The following CCSER1 variants were observed in gnomAD, a reference collection of about 807,000 sequenced individuals.
CCSER1 encodes the protein coiled-coil serine rich protein 1.
Under a neutral mutation model 82.0 loss-of-function variants are expected in CCSER1, and 41 were observed. The observed-to-expected ratio is 0.50, with a 90% CI of 0.39 to 0.65. The LOEUF is 0.65. CCSER1 is among the 30% of genes least tolerant of loss of function. CCSER1 has a pLI of 0.00. For missense variants in CCSER1, 1,119 were observed against 1,064.2 expected (o/e 1.05, Z -0.72); for synonymous variants, 414 against 383.9 (o/e 1.08, Z -0.92).
chr4:90,203,041 A>G (rs1430103090), intron 1 of CCSER1, among the ~76,000 whole-genome samples: 1 of 152,194 alleles, frequency 6.6e-6, no homozygotes, highest in Non-Finnish European at 1.5e-5. Context: ...AAAAAAGTAT[A>G]ATTACTTAAC....
At chr4:90,633,852 A>G (rs1724928135) in intron 6 of CCSER1, among the ~76,000 whole-genome samples, 1 of 151,812 alleles carries the variant, frequency 6.6e-6, no homozygotes. Context: ...ATCCTTTTTT[A>G]AAGATCAGTT....
At chr4:90,296,720 G>C (rs956773942) in intron 1 of CCSER1, among the ~76,000 whole-genome samples, 2 of 152,134 alleles carry the variant, frequency 1.3e-5, no homozygotes, top group Non-Finnish European at 2.9e-5. Context: ...TGGCTACCCA[G>C]TTTCCCCAGC....
chr4:90,705,399 C>A (rs1434783577), intron 6 of CCSER1, among the ~76,000 whole-genome samples: 1 of 152,230 alleles, frequency 6.6e-6, no homozygotes, highest in African/African-American at 2.4e-5. Flanking sequence ...GGTTGCCTCC[C>A]AGTTAGGCTA....
At chr4:90,160,426 A>G (rs1729217892) in intron 1 of CCSER1, among the ~76,000 whole-genome samples, 1 of 152,220 alleles carries the variant, frequency 6.6e-6, no homozygotes, top group African/African-American at 2.4e-5. Flanking sequence ...AAGATTGAGC[A>G]ACCATGAAAG....
At chr4:90,782,216 C>CA (rs1346327838) in intron 7 of CCSER1, among the ~76,000 whole-genome samples, 1 of 151,882 alleles carries the variant, frequency 6.6e-6, no homozygotes, top group African/African-American at 2.4e-5. Flanking sequence ...TATTTGTGGG[C>CA]AAAAAATATT....
At chr4:91,069,171 T>A (rs1046814983) in intron 9 of CCSER1, among the ~76,000 whole-genome samples, 4 of 151,700 alleles carry the variant, frequency 2.6e-5, no homozygotes, top group African/African-American at 7.3e-5. Context: ...TCAAAAAAAA[T>A]AAATAAAAAA....
At chr4:90,299,513 T>A (rs1269897668) in intron 1 of CCSER1, among the ~76,000 whole-genome samples, 1 of 152,178 alleles carries the variant, frequency 6.6e-6, no homozygotes, top group African/African-American at 2.4e-5. Context: ...GACAATCTCA[T>A]TCTCTTTTCT....
chr4:90,171,749 A>G (rs1363970286), intron 1 of CCSER1, among the ~76,000 whole-genome samples: 2 of 151,880 alleles, frequency 1.3e-5, no homozygotes, highest in Non-Finnish European at 2.9e-5. Context: ...TTGTACAGTT[A>G]AAAGAGTTCT....
In CCSER1 at chr4:90,957,324, A is replaced by G. The variant is rs1354008323; in HGVS notation, c.2172+33877A>G. The stretch of plus-strand genomic sequence containing the variant: ...ACCATCTTGGCCAGGCTGGTCTTCA[A>G]CTCTTGACCTTGTGATCTGCCTGCC... On this transcript the variant is annotated intron_variant, in intron 9 of 10. Transcript: ENST00000509176. Among the ~76,000 whole-genome samples, 4 of 143,624 alleles carry G rather than the reference A, an allele frequency of 2.8e-5. No homozygotes were observed. In the East Asian group the frequency reaches 6.1e-4, roughly 22 times the overall value. 94.2% of individuals were successfully genotyped at this position (143,624 alleles called of 152,430 possible).
chr4:90,643,172 C>T (rs1474326407), intron 6 of CCSER1, among the ~76,000 whole-genome samples: 1 of 152,124 alleles, frequency 6.6e-6, no homozygotes, highest in Non-Finnish European at 1.5e-5. Context: ...CAAACTTTTT[C>T]TGTCAAGGCT....
At chr4:90,326,128 G>A (rs890758644) in intron 3 of CCSER1, among the ~76,000 whole-genome samples, 9 of 139,744 alleles carry the variant, frequency 6.4e-5, no homozygotes, top group African/African-American at 2.1e-4. Flanking sequence ...GCGCAATCTC[G>A]GCTCACTGCA....
chr4:91,265,691 T>C (rs896595051), intron 10 of CCSER1, among the ~76,000 whole-genome samples: 2 of 152,202 alleles, frequency 1.3e-5, no homozygotes, highest in African/African-American at 4.8e-5. Context: ...TGTATTGTTA[T>C]TAAGTGAACT....
At chr4:90,648,269 A>AAG (rs60285596) in intron 6 of CCSER1, among the ~76,000 whole-genome samples, 2 of 136,194 alleles carry the variant, frequency 1.5e-5, no homozygotes, top group African/African-American at 5.5e-5. Context: ...AGAAAGAAAG[A>AAG]GAGAGAGAAA....
intron 4 of CCSER1, among the ~76,000 whole-genome samples, chr4:90,418,810 A>C (rs1454347107): frequency 6.6e-6 from 1 of 152,030 alleles, no homozygotes; most frequent in Non-Finnish European, 1.5e-5. Context: ...GTTGGAATTA[A>C]CTATGTTTAT....
At chr4:91,403,334 T>C (rs1471956582) in intron 10 of CCSER1, among the ~76,000 whole-genome samples, 3 of 152,200 alleles carry the variant, frequency 2.0e-5, no homozygotes, top group Non-Finnish European at 4.4e-5. Flanking sequence ...AATCTTGTCA[T>C]CTGCAAACAG....
intron 10 of CCSER1, among the ~76,000 whole-genome samples, chr4:91,518,096 C>A (rs1049914002): frequency 1.2e-4 from 18 of 152,146 alleles, no homozygotes; most frequent in African/African-American, 4.3e-4. Flanking sequence ...GTGCTGGCTG[C>A]AGATCTTGGC....
chr4:91,060,612 C>T (rs1743874919), intron 9 of CCSER1, among the ~76,000 whole-genome samples: 1 of 151,970 alleles, frequency 6.6e-6, no homozygotes, highest in South Asian at 2.1e-4. Flanking sequence ...TTCATTTATT[C>T]TTGTCTTTTA....
intron 5 of CCSER1, among the ~76,000 whole-genome samples, chr4:90,598,170 C>T (rs1002468181): frequency 1.1e-4 from 16 of 152,064 alleles, no homozygotes; most frequent in Admixed American, 5.9e-4. Flanking sequence ...GGAAAGATTG[C>T]TGAATCATAC....
chr4:90,222,606 C>T (rs894263725), intron 1 of CCSER1, among the ~76,000 whole-genome samples: 1 of 152,138 alleles, frequency 6.6e-6, no homozygotes, highest in Non-Finnish European at 1.5e-5. Flanking sequence ...TTTCTGTTAT[C>T]TAAATTTCAA....
Sources: allele counts gnomAD v4.1 joint callset (sites outside exome capture counted in the v4.1 genomes callset), GRCh38; gene constraint gnomAD v4.1.1; transcripts MANE v1.5; gene names NCBI Gene and HGNC (gene_info 2026-07-23, HGNC 2026-07-21).